The following DDX11 variants were observed in gnomAD, a reference collection of about 807,000 sequenced individuals.
The protein encoded by DDX11 is ATP-dependent DNA helicase DDX11.
DDX11 carries 72 observed loss-of-function variants against 125.2 expected under a neutral mutation model. That is an observed-to-expected ratio of 0.58 (90% CI 0.48 to 0.70). The LOEUF (loss-of-function observed/expected upper bound fraction) is 0.70. DDX11 is among the 30% of genes least tolerant of loss of function. The probability of loss-of-function intolerance (pLI) is 0.00; values close to 1 mark genes in which losing one functional copy is unlikely to be tolerated. For synonymous variants in DDX11, 347 were observed against 452.6 expected (o/e 0.77, Z 2.96); for missense variants, 883 against 1,165.0 (o/e 0.76, Z 3.52).
In DDX11 at chr12:31,078,659, C is replaced by G; in HGVS notation, c.144+122C>G. On this transcript the variant is annotated intron_variant, in intron 2 of 26. Coordinates refer to ENST00000542838, the MANE Select transcript of DDX11 (RefSeq NM_030653.4). ...GTTGGGCAGAGTAGTCTCTGTTTAT[C>G]TGAGTAATAGTCACTTCCTCTATTA... 2 of 1,439,436 alleles carry G rather than the reference C, an allele frequency of 1.4e-6. 1 individual carries two copies. The highest frequency in any genetic ancestry group is 4.9e-4 in the Middle Eastern group (2 of 4,086). The allele number at this position is 1,439,436 out of a possible 1,614,324, so 89.2% of individuals were successfully genotyped here. A position where few individuals can be genotyped will look rare whatever the true frequency, so the allele number is the denominator to read the frequency against.
chr12:31,080,636 C>T (rs774023872), intron 2 of DDX11, among the ~76,000 whole-genome samples: 6 of 152,012 alleles, frequency 3.9e-5, no homozygotes, highest in Non-Finnish European at 8.8e-5. Flanking sequence ...TTCTTTCCCT[C>T]TCTCCTAAAA....
In DDX11 at chr12:31,104,121, C is replaced by T; in HGVS notation, c.*285C>T. On this transcript the variant is annotated 3_prime_UTR_variant, in exon 27 of 27. Coordinates refer to ENST00000542838, the MANE Select transcript of DDX11 (RefSeq NM_030653.4). ...TCTTTCCATCCTGCATGGCTGAGAG[C>T]CAGGCTTCCTTCCTGGTCTCCGCAG... 6.7e-7 allele frequency: 1 copy of T among 1,485,444 alleles called. No individual in the cohort carries two copies. Among genetic ancestry groups the T allele is most frequent in the South Asian group, 1.4e-5 (1 of 71,364 alleles). The allele number at this position is 1,485,444 out of a possible 1,614,324, so 92.0% of individuals were successfully genotyped here.
intron 20 of DDX11, chr12:31,101,475 G>A (rs1232935942): frequency 4.0e-6 from 2 of 498,138 alleles, no homozygotes; most frequent in Non-Finnish European, 7.3e-6. Flanking sequence ...GGGCTTGGGG[G>A]CATCTCCTGT....
At chr12:31,092,974 G>A (rs1384753947) in intron 11 of DDX11, 82 bp downstream of exon 11, 52 of 1,553,668 alleles carry the variant, frequency 3.3e-5, no homozygotes, top group Non-Finnish European at 4.4e-5. Flanking sequence ...CAGCACTTTG[G>A]TTCCCACCTC....
chr12:31,097,946 A>G lies in DDX11; in HGVS notation c.1824A>G (p.Gln608=), dbSNP rs758086577. 8.7e-6 allele frequency: 14 copies of G among 1,613,886 alleles called. No homozygotes were observed. In the East Asian group the frequency reaches 3.1e-4, roughly 36 times the overall value. The stretch of plus-strand genomic sequence containing the variant: ...TGAATCCAGCTGTGCACTTTGCCCA[A>G]GTGGTGAAGGAATGCCGGGCAGTGG... ...LLLNPAVHFA[Q]VVKECRAVVI... is the part of the protein sequence containing the mutation. Residue 608 remains glutamine, a synonymous_variant, in exon 18 of 27, where the codon CAA becomes CAG. Transcript: ENST00000542838.
chr12:31,091,499 AC>A (rs1207229248), intron 9 of DDX11: 2 of 561,538 alleles, frequency 3.6e-6, no homozygotes, highest in African/African-American at 3.8e-5. Context: ...CCCTTGGTTT[AC>A]TCAGGAGTCA....
intron 2 of DDX11, among the ~76,000 whole-genome samples, chr12:31,080,135 A>G (rs1592584114): frequency 6.8e-6 from 1 of 146,292 alleles, no homozygotes; most frequent in African/African-American, 2.6e-5. Context: ...TGTGGCTGCC[A>G]GGCTGGGCTC....
chr12:31,089,546 G>A, intron 8 of DDX11, 56 bp downstream of exon 8: 2 of 1,554,194 alleles, frequency 1.3e-6, no homozygotes, highest in Non-Finnish European at 1.8e-6. Flanking sequence ...TGAGGCAGGG[G>A]TGGCAGTGAC....
chr12:31,084,830 C>T, intron 4 of DDX11, 139 bp from the exon 5 acceptor site: 1 of 1,103,362 alleles, frequency 9.1e-7, no homozygotes, highest in South Asian at 1.3e-5. Context: ...GGCGTGGATC[C>T]TAGGAGTCGA....
chr12:31,103,990 C>G lies in DDX11; in HGVS notation c.*154C>G, dbSNP rs1462995876. The G allele has an allele frequency of 1.9e-6, 3 of 1,566,034 alleles. No individual in the cohort carries two copies. The highest frequency in any genetic ancestry group is 2.6e-6 in the Non-Finnish European group (3 of 1,156,052). On this transcript the variant is annotated 3_prime_UTR_variant, in exon 27 of 27. Transcript: ENST00000542838. ...CCAGAGTGCTGCCAGGACCCAGGCACAGGCGTTAGCTCCCGTAGGAGAAAA... is the reference window on the plus strand; with the variant it reads ...CCAGAGTGCTGCCAGGACCCAGGCAGAGGCGTTAGCTCCCGTAGGAGAAAA...
chr12:31,081,798 C>T lies in DDX11; in HGVS notation c.145-2015C>T, dbSNP rs2553151. Among the ~76,000 whole-genome samples, 7 of 79,964 alleles carry T rather than the reference C, an allele frequency of 8.8e-5. 2 individuals carry two copies. The highest frequency in any genetic ancestry group is 3.8e-4 in the African/African-American group (6 of 15,778). 52.5% of individuals were successfully genotyped at this position (79,964 alleles called of 152,430 possible). ...CTAAAAGTTTTGTGGTCTTATTACA[C>T]GATGTAGAAAACAGTGGGCCTCAGT... On this transcript the variant is annotated intron_variant, in intron 2 of 26. Coordinates refer to ENST00000542838, the MANE Select transcript of DDX11 (RefSeq NM_030653.4).
In DDX11 at chr12:31,093,296, G is replaced by T. The variant is rs371444906; in HGVS notation, c.1341G>T (p.Leu447Phe). The T allele has an allele frequency of 1.2e-6, 2 of 1,613,760 alleles. No homozygotes were observed. The highest frequency in any genetic ancestry group is 2.2e-5 in the East Asian group (1 of 44,862). Residue 447 changes from leucine (L) to phenylalanine (F), a missense_variant, in exon 12 of 27, where the codon TTG becomes TTT. Physicochemically the swap from Leu to Phe is conservative, Grantham distance 22 (BLOSUM62 0). Transcript: ENST00000542838. ...TGTACCTGAAGCAGATCCTGTATTT[G>T]CTGGAGAAATTCGTGGCTGTGCTAG... ...NLMYLKQILYLLEKFVAVLGG... is the reference protein window; with the variant it reads ...NLMYLKQILYFLEKFVAVLGG...
Position 31,096,721 on chromosome 12 carries a change from A to T in DDX11, c.1606A>T (p.Ser536Cys), listed in dbSNP as rs1001464794. The T allele has an allele frequency of 1.3e-5, 21 of 1,614,020 alleles. No individual in the cohort carries two copies. The highest frequency in any genetic ancestry group is 1.7e-5 in the Non-Finnish European group (20 of 1,180,040). ...GGCTGGGTTTCAGCAATTCCTGCAGAGCCTGCAGCCCAGGACGACTGAAGG... is the reference window on the plus strand; with the variant it reads ...GGCTGGGTTTCAGCAATTCCTGCAGTGCCTGCAGCCCAGGACGACTGAAGG... ...KLAGFQQFLQ[S>C]LQPRTTEALA... The change falls in exon 16 of 27, where the codon AGC (serine) becomes TGC (cysteine). Residue 536 changes from serine (S) to cysteine (C), a missense_variant. Around this residue, in one of 5 missense-constraint regions of DDX11, gnomAD observed 241 missense variants for 279.7 expected, o/e 0.86. Transcript: ENST00000542838.
intron 18 of DDX11, among the ~76,000 whole-genome samples, chr12:31,099,326 G>C (rs1235582662): frequency 6.6e-6 from 1 of 152,002 alleles, no homozygotes; most frequent in East Asian, 1.9e-4. Flanking sequence ...TGATCCGCCA[G>C]CCTTGGCATC....
intron 12 of DDX11, 38 bp from the exon 13 acceptor site, chr12:31,094,552 G>T: frequency 1.3e-6 from 2 of 1,552,128 alleles, no homozygotes; most frequent in South Asian, 2.4e-5. Context: ...GGGGTCCTGA[G>T]AACCAGCATT....
At chr12:31,088,360 A>G (rs555190790) in intron 6 of DDX11, among the ~76,000 whole-genome samples, 1 of 152,132 alleles carries the variant, frequency 6.6e-6, no homozygotes, top group East Asian at 1.9e-4. Context: ...GGCATCGAGG[A>G]ACAGCTGTTC....
At chr12:31,093,350 C>G (rs1182317163) in intron 12 of DDX11, 26 bp downstream of exon 12, 1 of 1,613,574 alleles carries the variant, frequency 6.2e-7, no homozygotes, top group African/African-American at 1.3e-5. Context: ...CCCTGCTGAC[C>G]CCGGGCCTGC....
In DDX11 at chr12:31,099,080, CTTTCTTTTTTTTT is replaced by C. The variant is rs1027734085; in HGVS notation, c.1875+1087_1875+1099del. On this transcript the variant is annotated intron_variant, in intron 18 of 26. Coordinates refer to ENST00000542838, the MANE Select transcript of DDX11 (RefSeq NM_030653.4). ...AATCCATACTGGTATTTCTTTCTTT[CTTTCTTTTTTTTT>C]TTTTTTTTTTTTGAGACACAGTCTC... is the stretch of plus-strand genomic sequence containing the variant. Among the ~76,000 whole-genome samples the C allele has an allele frequency of 9.8e-5, 8 of 81,328 alleles. No individual in the cohort carries two copies. In the East Asian group the frequency reaches 2.5e-3, roughly 26 times the overall value. The allele number at this position is 81,328 out of a possible 152,430, so 53.4% of individuals were successfully genotyped here.
intron 5 of DDX11, among the ~76,000 whole-genome samples, chr12:31,086,457 G>A (rs397833243): frequency 4.6e-5 from 7 of 151,648 alleles, no homozygotes; most frequent in Middle Eastern, 6.8e-3. Context: ...TCCAGGCTGC[G>A]CATGTGAACT....
Sources: gnomAD v4.1 joint callset for allele counts (sites outside exome capture counted in the v4.1 genomes callset) on GRCh38, gnomAD v4.1.1 for gene constraint, gnomAD v4.1.1 regional missense constraint, MANE v1.5 for transcripts, NCBI Gene and HGNC (gene_info 2026-07-23, HGNC 2026-07-21) for gene names.